NPAS3: variants seen among roughly 807,000 people sequenced by gnomAD.
NPAS3 encodes the protein neuronal PAS domain-containing protein 3.
NPAS3 carries 14 observed loss-of-function variants against 73.1 expected under a neutral mutation model. That is an observed-to-expected ratio of 0.19 (90% CI 0.13 to 0.30). The LOEUF is 0.30. Ranked by LOEUF, NPAS3 falls within the 10% of genes least tolerant of loss-of-function variation. The pLI is 1.00. For synonymous variants in NPAS3, 620 were observed against 541.5 expected, an observed-to-expected ratio of 1.14 and a Z score of -2.01; for missense variants, 1,096 against 1,250.0, an observed-to-expected ratio of 0.88 and a Z score of 1.86.
At chr14:33,649,434 A>G (rs2058927306) in intron 5 of NPAS3, among the ~76,000 whole-genome samples, 1 of 152,230 alleles carries the variant, frequency 6.6e-6, no homozygotes, top group Non-Finnish European at 1.5e-5. Context: ...TATGTCTGGG[A>G]TGCCAACAGT....
chr14:33,508,906 T>C (rs1289595117), intron 4 of NPAS3, among the ~76,000 whole-genome samples: 2 of 151,984 alleles, frequency 1.3e-5, no homozygotes, highest in Non-Finnish European at 2.9e-5. Context: ...GACAGGCCCA[T>C]GGGAGCCCTT....
rs972926566 is a variant in NPAS3 at position 32,940,627 on chromosome 14, C to G, written c.50+1261C>G. ...CAGGCGCGTTGATTTTCCTCACAGG[C>G]TTAAGTGAACTTGAAAAGAAGACAA... is the stretch of plus-strand genomic sequence containing the variant. On this transcript the variant is annotated intron_variant, in intron 1 of 11. Coordinates refer to ENST00000356141, the Ensembl canonical transcript of NPAS3. Among the ~76,000 whole-genome samples the G allele has an allele frequency of 2.0e-5, 3 of 152,316 alleles. No homozygotes were observed. The East Asian group carries it at 5.8e-4, about 29-fold the overall frequency.
In NPAS3 at chr14:33,717,029, T is replaced by TAA. The variant is rs1365285269; in HGVS notation, c.734-18183_734-18182dup. ...AAAATGTTTTGAAAGCAGGTTTCTG[T>TAA]AAAGGGCTAGCTCCTAAAATGACAG... On this transcript the variant is annotated intron_variant, in intron 6 of 11. Coordinates refer to ENST00000356141, the Ensembl canonical transcript of NPAS3. Among the ~76,000 whole-genome samples, 4 of 152,240 alleles carry TAA rather than the reference T, an allele frequency of 2.6e-5. No individual in the cohort carries two copies. In the East Asian group the frequency reaches 5.8e-4, roughly 22 times the overall value.
intron 3 of NPAS3, among the ~76,000 whole-genome samples, chr14:33,242,946 C>T (rs1181935403): frequency 1.3e-5 from 2 of 152,098 alleles, no homozygotes; most frequent in Admixed American, 6.6e-5. Context: ...TCTGCCCTCT[C>T]TACAGTCTAT....
At chr14:33,713,608 G>C (rs1251108092) in intron 6 of NPAS3, among the ~76,000 whole-genome samples, 2 of 152,096 alleles carry the variant, frequency 1.3e-5, no homozygotes, top group Non-Finnish European at 1.5e-5. Flanking sequence ...CTGTTGCTTC[G>C]AGATACATCT....
At chr14:33,061,482 C>T (rs2041097428) in intron 2 of NPAS3, among the ~76,000 whole-genome samples, 2 of 152,234 alleles carry the variant, frequency 1.3e-5, no homozygotes, top group East Asian at 1.9e-4. Context: ...CTAATTTCCA[C>T]ATCATGCCTT....
intron 4 of NPAS3, among the ~76,000 whole-genome samples, chr14:33,472,682 G>A (rs2050839233): frequency 6.7e-6 from 1 of 150,272 alleles, no homozygotes; most frequent in African/African-American, 2.5e-5. Context: ...CATAGGACTG[G>A]CAAGGATGAC....
intron 1 of NPAS3, among the ~76,000 whole-genome samples, chr14:33,040,919 TCAGA>T (rs972448907): frequency 6.6e-6 from 1 of 152,178 alleles, no homozygotes; most frequent in Non-Finnish European, 1.5e-5. Context: ...AATGACCCTG[TCAGA>T]CAGATGGCTT....
rs72676755 is a variant in NPAS3 at position 33,072,851 on chromosome 14, T to G, written c.140+16857T>G. On this transcript the variant is annotated intron_variant, in intron 2 of 11. Transcript: ENST00000356141. Reference sequence around the variant, plus strand: ...CTCTCTTTCTCTGGGACAGTAACCTTGGTACATAGTGTTCTTTCATGTCGA... The same window carrying G: ...CTCTCTTTCTCTGGGACAGTAACCTGGGTACATAGTGTTCTTTCATGTCGA... 8.4e-3 allele frequency among the ~76,000 whole-genome samples: 1,272 copies of G among 152,286 alleles called. 7 individuals are homozygous for G. Among genetic ancestry groups the G allele is most frequent in the South Asian group, 0.015 (74 of 4,826 alleles).
At chr14:33,665,937 G>A (rs1467949665) in intron 5 of NPAS3, among the ~76,000 whole-genome samples, 1 of 152,118 alleles carries the variant, frequency 6.6e-6, no homozygotes, top group African/African-American at 2.4e-5. Flanking sequence ...AAAATCATGG[G>A]TCCAGAGCTT....
intron 4 of NPAS3, among the ~76,000 whole-genome samples, chr14:33,541,215 G>A (rs2139632115): frequency 6.6e-6 from 1 of 152,032 alleles, no homozygotes; most frequent in South Asian, 2.1e-4. Context: ...TTCACTTGCT[G>A]CAAAGGAAGT....
intron 1 of NPAS3, among the ~76,000 whole-genome samples, chr14:32,961,360 G>A (rs1052458401): frequency 1.4e-5 from 2 of 147,444 alleles, no homozygotes; most frequent in African/African-American, 5.0e-5. Context: ...GCAGTGAGCT[G>A]AGATTGCACC....
intron 5 of NPAS3, among the ~76,000 whole-genome samples, chr14:33,588,952 G>A (rs1331740433): frequency 6.6e-6 from 1 of 152,124 alleles, no homozygotes. Flanking sequence ...CTCACAAGGT[G>A]AATCAGAATA....
At chr14:33,623,856 A>G (rs993797309) in intron 5 of NPAS3, among the ~76,000 whole-genome samples, 1 of 152,208 alleles carries the variant, frequency 6.6e-6, no homozygotes. Context: ...CTATCTGTCA[A>G]TTGAATCAAT....
At chr14:33,203,948 G>A (rs1594385553) in intron 2 of NPAS3, among the ~76,000 whole-genome samples, 1 of 152,148 alleles carries the variant, frequency 6.6e-6, no homozygotes. Context: ...AACAGTGTAA[G>A]TGTTCCAATT....
intron 3 of NPAS3, among the ~76,000 whole-genome samples, chr14:33,249,349 C>A (rs1037366820): frequency 1.4e-4 from 1 of 7,074 alleles, no homozygotes; most frequent in African/African-American, 9.6e-4. Context: ...GTCCCCCCCA[C>A]CTTTTTTTTT....
Position 33,675,017 on chromosome 14 carries a change from A to C in NPAS3, c.559-1194A>C, listed in dbSNP as rs143103234. Among the ~76,000 whole-genome samples, 605 of 152,222 alleles carry C rather than the reference A, an allele frequency of 4.0e-3. 2 individuals carry two copies. Among genetic ancestry groups the C allele is most frequent in the African/African-American group, 0.014 (577 of 41,532 alleles). On this transcript the variant is annotated intron_variant, in intron 5 of 11. Coordinates refer to ENST00000356141, the Ensembl canonical transcript of NPAS3. ...CAGGTGGAATCTGGAGGGATGCTGG[A>C]AATTATCCTGGAAAGGGAAGTGAGG...
At chr14:33,110,909 G>A (rs2042871405) in intron 2 of NPAS3, among the ~76,000 whole-genome samples, 1 of 152,154 alleles carries the variant, frequency 6.6e-6, no homozygotes, top group Non-Finnish European at 1.5e-5. Flanking sequence ...AGCAGTTGTG[G>A]GAAGCAGGCA....
chr14:33,610,496 G>A (rs988966574), intron 5 of NPAS3, among the ~76,000 whole-genome samples: 1 of 151,806 alleles, frequency 6.6e-6, no homozygotes, highest in Non-Finnish European at 1.5e-5. Context: ...AGTTAGAAAT[G>A]CTCTTGTATG....
Sources: allele counts gnomAD v4.1 joint callset (sites outside exome capture counted in the v4.1 genomes callset), GRCh38; gene constraint gnomAD v4.1.1; transcripts MANE v1.5; gene names NCBI Gene and HGNC (gene_info 2026-07-23, HGNC 2026-07-21).